PACRG: variants seen among roughly 807,000 people sequenced by gnomAD.
The protein encoded by PACRG is parkin coregulated, also known as parkin coregulated gene protein.
Under a neutral mutation model 29.7 loss-of-function variants are expected in PACRG, and 29 were observed. The ratio of observed to expected loss-of-function variants is 0.98; its 90% CI spans 0.73 to 1.33. The LOEUF is 1.33. PACRG is among the 40% of genes most tolerant of loss of function. PACRG has a pLI of 0.00. For missense variants in PACRG, 279 were observed against 316.2 expected, an observed-to-expected ratio of 0.88 and a Z score of 0.89; for synonymous variants, 116 against 118.7, an observed-to-expected ratio of 0.98 and a Z score of 0.15.
At chr6:163,208,397 C>G (rs1347451290) in intron 4 of PACRG, among the ~76,000 whole-genome samples, 1 of 144,380 alleles carries the variant, frequency 6.9e-6, no homozygotes, top group African/African-American at 2.7e-5. Context: ...AGATCAGAAT[C>G]TAAGCTACAT....
chr6:163,221,377 G>A (rs1781575567), intron 4 of PACRG, among the ~76,000 whole-genome samples: 1 of 152,196 alleles, frequency 6.6e-6, no homozygotes, highest in South Asian at 2.1e-4. Flanking sequence ...TGAGAAGAAG[G>A]AGCCAAGCTC....
intron 2 of PACRG, among the ~76,000 whole-genome samples, chr6:162,893,742 G>A (rs980693952): frequency 1.3e-5 from 2 of 152,140 alleles, no homozygotes; most frequent in Non-Finnish European, 2.9e-5. Flanking sequence ...CAGAGCCGCC[G>A]TGCTTACCCT....
rs1236124904 is a variant in PACRG at position 162,787,094 on chromosome 6, G to A, written c.157-27053G>A. On this transcript the variant is annotated intron_variant, in intron 1 of 4. Coordinates refer to ENST00000366888, the MANE Select transcript of PACRG (RefSeq NM_001080379.2). ...TGTGATCTGCCCTCAGCTTTTGCAT[G>A]ATAGCAGAGAAGTGATTGATATTAG... Among the ~76,000 whole-genome samples the A allele has an allele frequency of 3.3e-5, 5 of 152,122 alleles. No homozygotes were observed. In the East Asian group the frequency reaches 9.6e-4, roughly 29 times the overall value.
intron 4 of PACRG, among the ~76,000 whole-genome samples, chr6:163,235,644 G>T (rs957130722): frequency 2.0e-5 from 3 of 152,116 alleles, no homozygotes; most frequent in African/African-American, 4.8e-5. Context: ...GCACCTAAGA[G>T]AAATTATCAG....
At position 163,064,775 on chromosome 6, in the gene PACRG, T is replaced by C. The variant is rs907321672; in HGVS notation, c.463+2454T>C. ...TATTTTATTTTCACACCATACCCAG[T>C]ATAATTTTGACTCTATCCAGGGGCA... is the stretch of plus-strand genomic sequence containing the variant. On this transcript the variant is annotated intron_variant, in intron 3 of 4. Coordinates refer to ENST00000366888, the MANE Select transcript of PACRG (RefSeq NM_001080379.2). 3.3e-5 allele frequency among the ~76,000 whole-genome samples: 5 copies of C among 152,086 alleles called. No homozygotes were observed. In the East Asian group the frequency reaches 9.6e-4, roughly 29 times the overall value.
At chr6:162,806,614 G>A (rs189389045) in intron 1 of PACRG, among the ~76,000 whole-genome samples, 1 of 152,206 alleles carries the variant, frequency 6.6e-6, no homozygotes, top group Admixed American at 6.5e-5. Context: ...CTGAGCAGTA[G>A]ATCTCAACAG....
At chr6:163,268,101 T>A (rs968471818) in intron 4 of PACRG, among the ~76,000 whole-genome samples, 3 of 152,124 alleles carry the variant, frequency 2.0e-5, no homozygotes, top group African/African-American at 7.2e-5. Context: ...TTATAGATAC[T>A]TTGAAAGTGT....
At chr6:162,901,405 G>A (rs148673812) in intron 2 of PACRG, among the ~76,000 whole-genome samples, 1 of 152,270 alleles carries the variant, frequency 6.6e-6, no homozygotes, top group African/African-American at 2.4e-5. Context: ...TGGCTTTTAA[G>A]GTTTCTTTCA....
intron 4 of PACRG, among the ~76,000 whole-genome samples, chr6:163,270,006 AGGAG>A (rs140292182): frequency 0.069 from 5,772 of 84,030 alleles, 1,132 homozygotes; most frequent in African/African-American, 0.13. Context: ...AAAGAAAGAA[AGGAG>A]GGAGGGAGGG....
intron 2 of PACRG, among the ~76,000 whole-genome samples, chr6:163,020,440 A>G (rs1324912046): frequency 6.6e-6 from 1 of 152,046 alleles, no homozygotes; most frequent in Non-Finnish European, 1.5e-5. Flanking sequence ...ACACGCAGAG[A>G]CCCCTCCCAA....
At chr6:162,995,618 C>CA (rs1803953117) in intron 2 of PACRG, among the ~76,000 whole-genome samples, 4 of 152,382 alleles carry the variant, frequency 2.6e-5, no homozygotes, top group Admixed American at 1.3e-4. Flanking sequence ...GTGCGTGCAC[C>CA]CACTGGCCTG....
intron 1 of PACRG, among the ~76,000 whole-genome samples, chr6:162,779,702 T>A (rs1248194218): frequency 1.3e-5 from 2 of 152,212 alleles, no homozygotes; most frequent in Non-Finnish European, 2.9e-5. Flanking sequence ...TTGAGAGTAT[T>A]TATTTGTGCA....
At chr6:162,938,514 C>T (rs1378639560) in intron 2 of PACRG, among the ~76,000 whole-genome samples, 2 of 152,144 alleles carry the variant, frequency 1.3e-5, no homozygotes, top group Non-Finnish European at 2.9e-5. Context: ...TACACTCCCA[C>T]CAGTAGTGGG....
intron 4 of PACRG, among the ~76,000 whole-genome samples, chr6:163,239,449 C>A (rs1413446246): frequency 1.3e-5 from 2 of 152,102 alleles, no homozygotes; most frequent in Non-Finnish European, 2.9e-5. Flanking sequence ...AACACTTGAT[C>A]ATTTACCTCT....
chr6:163,194,562 C>T lies in PACRG; in HGVS notation c.613+105154C>T, dbSNP rs1215682157. On this transcript the variant is annotated intron_variant, in intron 4 of 4. Transcript: ENST00000366888. Reference sequence around the variant, plus strand: ...AAGCACAGAATGGACTTGACGGGGACCCTGACAGCCAGTCATTCCTGGGAC... The same window carrying T: ...AAGCACAGAATGGACTTGACGGGGATCCTGACAGCCAGTCATTCCTGGGAC... 2.0e-5 allele frequency among the ~76,000 whole-genome samples: 3 copies of T among 152,274 alleles called. No individual in the cohort carries two copies. The East Asian group carries it at 5.8e-4, about 29-fold the overall frequency.
intron 4 of PACRG, among the ~76,000 whole-genome samples, chr6:163,133,275 C>T (rs1011940945): frequency 8.5e-5 from 13 of 152,182 alleles, no homozygotes; most frequent in African/African-American, 3.1e-4. Flanking sequence ...ATGACCACAC[C>T]TCACTGCGCA....
chr6:163,298,015 A>G (rs1348988463), intron 4 of PACRG, among the ~76,000 whole-genome samples: 1 of 152,104 alleles, frequency 6.6e-6, no homozygotes, highest in African/African-American at 2.4e-5. Context: ...ATACCTGGGC[A>G]CCTTTAGAAG....
chr6:162,984,029 T>C (rs1045740976), intron 2 of PACRG, among the ~76,000 whole-genome samples: 9 of 152,008 alleles, frequency 5.9e-5, no homozygotes, highest in Non-Finnish European at 1.0e-4. Flanking sequence ...TTAAAAATTT[T>C]TTTTATTTCA....
intron 3 of PACRG, among the ~76,000 whole-genome samples, chr6:163,074,203 A>G (rs1349945143): frequency 6.6e-6 from 1 of 152,242 alleles, no homozygotes; most frequent in African/African-American, 2.4e-5. Context: ...GGATAAAAAA[A>G]ATATGGTACA....
Sources: gnomAD v4.1 joint callset for allele counts (sites outside exome capture counted in the v4.1 genomes callset) on GRCh38, gnomAD v4.1.1 for gene constraint, MANE v1.5 for transcripts, NCBI Gene and HGNC (gene_info 2026-07-23, HGNC 2026-07-21) for gene names.